Variants in PTPRG observed in about 807,000 individuals in gnomAD.
PTPRG encodes protein tyrosine phosphatase receptor type G.
A neutral mutation model predicts 165.3 loss-of-function variants in PTPRG; 102 were observed. That is an observed-to-expected ratio of 0.62 (90% CI 0.53 to 0.73). The LOEUF is 0.73. Ranked by LOEUF, PTPRG falls within the 30% of genes least tolerant of loss-of-function variation. The pLI, the probability that PTPRG is intolerant of heterozygous loss-of-function variation, is 0.00. For synonymous variants in PTPRG, 675 were observed against 669.5 expected, an observed-to-expected ratio of 1.01 and a Z score of -0.13; for missense variants, 1,866 against 1,861.4, an observed-to-expected ratio of 1.00 and a Z score of -0.05.
intron 4 of PTPRG, 23 bp from the exon 5 acceptor site, chr3:62,078,140 C>T: frequency 2.0e-6 from 3 of 1,497,916 alleles, no homozygotes; most frequent in Non-Finnish European, 2.8e-6. Context: ...TTTCCTAATA[C>T]ATTTTTTTAA....
chr3:61,723,130 TCATATAATC>T (rs2032120218), intron 1 of PTPRG, among the ~76,000 whole-genome samples: 1 of 152,192 alleles, frequency 6.6e-6, no homozygotes, highest in Non-Finnish European at 1.5e-5. Flanking sequence ...GTTGTAGAAT[TCATATAATC>T]CATCCTTTAA....
intron 1 of PTPRG, among the ~76,000 whole-genome samples, chr3:61,716,107 C>A (rs1285909319): frequency 6.6e-6 from 1 of 152,160 alleles, no homozygotes; most frequent in Non-Finnish European, 1.5e-5. Context: ...AGCTCACTGC[C>A]ACCGCCACGC....
chr3:62,187,707 C>T (rs533052222), intron 8 of PTPRG, among the ~76,000 whole-genome samples: 2 of 152,308 alleles, frequency 1.3e-5, no homozygotes, highest in African/African-American at 4.8e-5. Flanking sequence ...CTGCAAATGC[C>T]TCCTCCAAAT....
In PTPRG at chr3:62,203,590, G is replaced by A. The variant is rs1457528823; in HGVS notation, c.1795G>A (p.Gly599Arg). ...EDGEREHEEDGEKDSEKKEKS... is the reference protein window; with the variant it reads ...EDGEREHEEDREKDSEKKEKS... ...TGGGGAGCGGGAGCACGAGGAGGATGGAGAGAAGGACTCCGAAAAGAAGGA... is the reference window on the plus strand; with the variant it reads ...TGGGGAGCGGGAGCACGAGGAGGATAGAGAGAAGGACTCCGAAAAGAAGGA... The change falls in exon 12 of 30, where the codon GGA (glycine) becomes AGA (arginine). Residue 599 changes from glycine (G) to arginine (R), a missense_variant. Physicochemically the swap from Gly to Arg is moderately radical, Grantham distance 125. Transcript: ENST00000474889. This position sits in a 1 kb window ranked among gnomAD's most constrained non-coding sequence, Gnocchi z 6.4. The A allele has an allele frequency of 6.4e-7, 1 of 1,552,544 alleles. No homozygotes were observed. The highest frequency in any genetic ancestry group is 1.4e-5 in the African/African-American group (1 of 73,104).
chr3:61,697,431 T>G lies in PTPRG; in HGVS notation c.86-51447T>G, dbSNP rs1264855963. On this transcript the variant is annotated intron_variant, in intron 1 of 29. Coordinates refer to ENST00000474889, the MANE Select transcript of PTPRG (RefSeq NM_002841.4). ...CCCATATCTGACTTAGAAAGCTTCT[T>G]ACAAAATAAATGCAATGGTCTTAGA... Among the ~76,000 whole-genome samples the G allele has an allele frequency of 3.3e-5, 5 of 152,212 alleles. No individual in the cohort carries two copies. In the East Asian group the frequency reaches 7.7e-4, roughly 23 times the overall value.
chr3:61,868,344 G>A (rs537863210), intron 2 of PTPRG, among the ~76,000 whole-genome samples: 2 of 152,232 alleles, frequency 1.3e-5, no homozygotes, highest in African/African-American at 2.4e-5. Flanking sequence ...ATTTGATTCC[G>A]AAATCCCTGA....
intron 5 of PTPRG, among the ~76,000 whole-genome samples, chr3:62,121,888 A>G (rs1359266117): frequency 6.6e-6 from 1 of 152,244 alleles, no homozygotes; most frequent in Non-Finnish European, 1.5e-5. Context: ...TTGTTCTGCT[A>G]CAAATGGCAC....
chr3:62,091,963 T>C (rs1481954847), intron 5 of PTPRG, among the ~76,000 whole-genome samples: 2 of 151,956 alleles, frequency 1.3e-5, no homozygotes, highest in African/African-American at 4.8e-5. Flanking sequence ...TGCAATGTTG[T>C]GGAATCACTA....
intron 2 of PTPRG, among the ~76,000 whole-genome samples, chr3:61,778,218 ATACTT>A (rs1479363316): frequency 5.9e-5 from 9 of 152,300 alleles, no homozygotes; most frequent in Non-Finnish European, 4.4e-5. Context: ...AAATGAAAGT[ATACTT>A]TACAGGGTGG....
intron 3 of PTPRG, among the ~76,000 whole-genome samples, chr3:62,000,884 A>T (rs999390719): frequency 1.3e-5 from 2 of 152,190 alleles, no homozygotes; most frequent in African/African-American, 4.8e-5. Flanking sequence ...CTGCTTTCCC[A>T]GTGTGATTTT....
intron 2 of PTPRG, among the ~76,000 whole-genome samples, chr3:61,840,392 T>G (rs2036589734): frequency 6.6e-6 from 1 of 152,186 alleles, no homozygotes; most frequent in East Asian, 1.9e-4. Context: ...AAGAAGTAAA[T>G]GCTTTATATG....
At chr3:61,659,240 T>C (rs1431477913) in intron 1 of PTPRG, 2 of 889,416 alleles carry the variant, frequency 2.2e-6, no homozygotes, top group Non-Finnish European at 2.7e-6. Flanking sequence ...TGAATAGATG[T>C]TCTCAGGGCT....
chr3:61,563,548 G>A (rs1371214586), intron 1 of PTPRG, among the ~76,000 whole-genome samples: 1 of 152,164 alleles, frequency 6.6e-6, no homozygotes, highest in African/African-American at 2.4e-5. Flanking sequence ...CTGGAAGAAG[G>A]GGTGATTTGC....
chr3:61,935,662 A>G (rs1426962849), intron 2 of PTPRG, among the ~76,000 whole-genome samples: 1 of 146,118 alleles, frequency 6.8e-6, no homozygotes, highest in East Asian at 2.0e-4. Flanking sequence ...TCTTTTTTTA[A>G]TCGTATTCTT....
intron 1 of PTPRG, among the ~76,000 whole-genome samples, chr3:61,566,486 T>G (rs1462608414): frequency 6.6e-6 from 1 of 152,230 alleles, no homozygotes; most frequent in South Asian, 2.1e-4. Flanking sequence ...CCTACTCCCT[T>G]GTCTCCCTGC....
At chr3:62,087,683 C>T (rs1019022201) in intron 5 of PTPRG, among the ~76,000 whole-genome samples, 1 of 152,146 alleles carries the variant, frequency 6.6e-6, no homozygotes, top group Non-Finnish European at 1.5e-5. Context: ...CCATATATCT[C>T]CAGGGTCTGT....
At chr3:61,975,479 T>G (rs182821230) in intron 2 of PTPRG, among the ~76,000 whole-genome samples, 1 of 152,186 alleles carries the variant, frequency 6.6e-6, no homozygotes, top group Non-Finnish European at 1.5e-5. Flanking sequence ...GAAATATGTT[T>G]TATTTCTAAT....
At chr3:61,938,044 T>A (rs2107599542) in intron 2 of PTPRG, among the ~76,000 whole-genome samples, 1 of 152,178 alleles carries the variant, frequency 6.6e-6, no homozygotes, top group Non-Finnish European at 1.5e-5. Context: ...CAGTCTGGGC[T>A]TAAGGTTTCC....
chr3:62,135,631 G>A (rs1359215715), intron 6 of PTPRG, among the ~76,000 whole-genome samples: 1 of 152,152 alleles, frequency 6.6e-6, no homozygotes. Flanking sequence ...TTGGTCATTA[G>A]GGTCCTCTCT....
Sources: gnomAD v4.1 joint callset for allele counts (sites outside exome capture counted in the v4.1 genomes callset) on GRCh38, gnomAD v4.1.1 for gene constraint, Gnocchi (gnomAD v3.1) non-coding constraint, MANE v1.5 for transcripts, NCBI Gene and HGNC (gene_info 2026-07-23, HGNC 2026-07-21) for gene names.